HAPLN1: variants seen among roughly 807,000 people sequenced by gnomAD.
The protein encoded by HAPLN1 is hyaluronan and proteoglycan link protein 1, also known as Cartilage link protein.
In HAPLN1, 13 loss-of-function variants were observed where a neutral mutation model predicts 36.5. The observed-to-expected ratio is 0.36, with a 90% confidence interval of 0.23 to 0.57. The LOEUF (loss-of-function observed/expected upper bound fraction) is 0.57. HAPLN1 is among the 20% of genes least tolerant of loss of function. The pLI is 0.83. For missense variants in HAPLN1, 407 were observed against 439.7 expected (o/e 0.93, Z 0.66); for synonymous variants, 202 against 169.8 (o/e 1.19, Z -1.48).
At chr5:83,716,668 T>C (rs1320737644) in intron 1 of HAPLN1, among the ~76,000 whole-genome samples, 1 of 152,228 alleles carries the variant, frequency 6.6e-6, no homozygotes, top group Non-Finnish European at 1.5e-5. Context: ...TTTTCTCTTG[T>C]AAAGTTTGTT....
chr5:83,657,431 G>C (rs1750251825), intron 2 of HAPLN1, among the ~76,000 whole-genome samples: 1 of 152,074 alleles, frequency 6.6e-6, no homozygotes, highest in Admixed American at 6.5e-5. Context: ...CTTAAACTTA[G>C]GTCATTTGTA....
In HAPLN1 at chr5:83,641,725, C is replaced by G. The variant is rs778597372; in HGVS notation, c.836G>C (p.Cys279Ser). The part of the protein sequence containing the change: ...KLTYDEAVQA[C>S]LNDGAQIAKV... The stretch of plus-strand genomic sequence containing the variant: ...TGCAATCTGAGCACCATCATTGAGA[C>G]AAGCTTGCACCGCTTCATCATAGGT... Residue 279 changes from cysteine to serine, a missense_variant, in exon 5 of 5, where the codon TGT becomes TCT. By Grantham distance (112) the Cys-to-Ser change is moderately radical. Coordinates refer to ENST00000274341, the MANE Select transcript of HAPLN1 (RefSeq NM_001884.4). The G allele has an allele frequency of 6.2e-7, 1 of 1,614,160 alleles. No individual in the cohort carries two copies. The highest frequency in any genetic ancestry group is 8.5e-7 in the Non-Finnish European group (1 of 1,180,040).
intron 1 of HAPLN1, among the ~76,000 whole-genome samples, chr5:83,679,462 T>C (rs1750944462): frequency 6.6e-6 from 1 of 152,230 alleles, no homozygotes; most frequent in African/African-American, 2.4e-5. Context: ...TCTATTCTCT[T>C]TCTAACCTTT....
At chr5:83,703,913 A>G (rs930971202) in intron 1 of HAPLN1, among the ~76,000 whole-genome samples, 1 of 152,018 alleles carries the variant, frequency 6.6e-6, no homozygotes, top group African/African-American at 2.4e-5. Flanking sequence ...GCAAGTTTCT[A>G]CACAAAAAGA....
At chr5:83,716,865 C>T (rs1022989721) in intron 1 of HAPLN1, among the ~76,000 whole-genome samples, 1 of 151,992 alleles carries the variant, frequency 6.6e-6, no homozygotes, top group Non-Finnish European at 1.5e-5. Context: ...AACCCTGTCT[C>T]TACTAAAAAT....
intron 2 of HAPLN1, among the ~76,000 whole-genome samples, chr5:83,668,294 A>AG (rs560405021): frequency 1.3e-3 from 198 of 152,266 alleles, no homozygotes; most frequent in Non-Finnish European, 2.4e-3. Context: ...AGGATACCAG[A>AG]GGGGGACAGA....
intron 1 of HAPLN1, among the ~76,000 whole-genome samples, chr5:83,703,905 A>G (rs1332364975): frequency 1.3e-5 from 2 of 152,026 alleles, no homozygotes; most frequent in African/African-American, 4.8e-5. Context: ...GAACCCCTGC[A>G]AGTTTCTACA....
At chr5:83,660,641 G>A (rs1171949782) in intron 2 of HAPLN1, among the ~76,000 whole-genome samples, 23 of 152,132 alleles carry the variant, frequency 1.5e-4, no homozygotes, top group Admixed American at 1.5e-3. Context: ...GCAGGAAGAA[G>A]TAAAGTGTGA....
chr5:83,678,220 GGT>G (rs56962854), intron 1 of HAPLN1, among the ~76,000 whole-genome samples: 2,705 of 142,588 alleles, frequency 0.019, 76 homozygotes, highest in African/African-American at 0.064. Context: ...CTATAGTTTG[GGT>G]GTGTGTGTGT....
At chr5:83,713,165 G>A (rs934950764) in intron 1 of HAPLN1, among the ~76,000 whole-genome samples, 13 of 152,062 alleles carry the variant, frequency 8.5e-5, no homozygotes, top group African/African-American at 1.7e-4. Flanking sequence ...AAGTTAGTTC[G>A]GTATTGGACA....
At chr5:83,674,263 AC>A (rs1750808722) in intron 1 of HAPLN1, 3 of 152,192 alleles carry the variant, frequency 2.0e-5, no homozygotes, top group Admixed American at 1.3e-4. Context: ...ATGCTGACGC[AC>A]CAACTTAGAG....
At chr5:83,652,848 A>G in intron 2 of HAPLN1, 24 bp from the exon 3 acceptor site, 5 of 1,535,272 alleles carry the variant, frequency 3.3e-6, no homozygotes, top group Non-Finnish European at 4.4e-6. Flanking sequence ...GGAAAAAAAA[A>G]AGAAAATAAC....
chr5:83,677,209 A>G (rs950591389), intron 1 of HAPLN1, among the ~76,000 whole-genome samples: 1 of 152,180 alleles, frequency 6.6e-6, no homozygotes, highest in Admixed American at 6.5e-5. Flanking sequence ...TGAGGTAAGT[A>G]TGTTGTTAGA....
chr5:83,680,355 T>G (rs1299110226), intron 1 of HAPLN1, among the ~76,000 whole-genome samples: 1 of 152,192 alleles, frequency 6.6e-6, no homozygotes, highest in Admixed American at 6.5e-5. Context: ...ATCAAATATT[T>G]AGGGTATATG....
chr5:83,673,053 C>T (rs1415824124), intron 2 of HAPLN1, among the ~76,000 whole-genome samples: 1 of 152,184 alleles, frequency 6.6e-6, no homozygotes, highest in Non-Finnish European at 1.5e-5. Flanking sequence ...AATGATTAAA[C>T]AGTTACTCTA....
At chr5:83,708,918 C>T (rs1751712672) in intron 1 of HAPLN1, among the ~76,000 whole-genome samples, 1 of 151,992 alleles carries the variant, frequency 6.6e-6, no homozygotes, top group Admixed American at 6.6e-5. Context: ...TCTCTGTCAC[C>T]CAGGCTGGAG....
chr5:83,678,254 A>C (rs903741954), intron 1 of HAPLN1, among the ~76,000 whole-genome samples: 2 of 101,168 alleles, frequency 2.0e-5, no homozygotes, highest in East Asian at 6.1e-4. Context: ...TGTGTGTTTT[A>C]ATTAAAAATG....
At chr5:83,650,152 C>T (rs755103612) in intron 3 of HAPLN1, among the ~76,000 whole-genome samples, 4 of 152,156 alleles carry the variant, frequency 2.6e-5, no homozygotes, top group Non-Finnish European at 5.9e-5. Flanking sequence ...AAGAAAATTT[C>T]TCCTTCTTAC....
rs945630706 is a variant in HAPLN1 at position 83,638,948 on chromosome 5, A to G, written c.*2548T>C. ...GGTCACCAGTGTTAATTATGGACAA[A>G]TACATTAAAACAAGGGTTCCTGGCC... On this transcript the variant is annotated 3_prime_UTR_variant, in exon 5 of 5. Transcript: ENST00000274341. 9.2e-5 allele frequency: 14 copies of G among 152,030 alleles called. No homozygotes were observed. The highest frequency in any genetic ancestry group is 3.4e-4 in the African/African-American group (14 of 41,432). 9.4% of individuals were successfully genotyped at this position (152,030 alleles called of 1,614,324 possible).
Sources: gnomAD v4.1 joint callset for allele counts (sites outside exome capture counted in the v4.1 genomes callset) on GRCh38, gnomAD v4.1.1 for gene constraint, MANE v1.5 for transcripts, NCBI Gene and HGNC (gene_info 2026-07-23, HGNC 2026-07-21) for gene names.